Variants in BBS9 observed in about 807,000 individuals in gnomAD.
BBS9 encodes the protein Bardet-Biedl syndrome 9.
Under a neutral mutation model 117.7 loss-of-function variants are expected in BBS9, and 89 were observed. The ratio of observed to expected loss-of-function variants is 0.76; its 90% CI spans 0.64 to 0.90. BBS9 has a LOEUF of 0.90. Among genes scored for constraint, BBS9 ranks in the 40% least tolerant of loss-of-function variants. The probability of loss-of-function intolerance (pLI) is 0.00; values close to 1 mark genes in which losing one functional copy is unlikely to be tolerated. For synonymous variants in BBS9, 379 were observed against 370.9 expected (o/e 1.02, Z -0.25); for missense variants, 982 against 1,042.2 (o/e 0.94, Z 0.80).
chr7:33,411,192 A>T (rs759813263), intron 19 of BBS9, among the ~76,000 whole-genome samples: 24 of 152,170 alleles, frequency 1.6e-4, no homozygotes, highest in Admixed American at 9.8e-4. Context: ...TCAGTTGCAG[A>T]TGCCAAATCT....
At chr7:33,301,075 C>T (rs1009538454) in intron 9 of BBS9, among the ~76,000 whole-genome samples, 1 of 151,868 alleles carries the variant, frequency 6.6e-6, no homozygotes, top group East Asian at 1.9e-4. Flanking sequence ...GTACCTGTCC[C>T]TTTCTGGCTA....
At chr7:33,537,524 T>C (rs1156464589) in intron 21 of BBS9, among the ~76,000 whole-genome samples, 1 of 152,232 alleles carries the variant, frequency 6.6e-6, no homozygotes, top group Non-Finnish European at 1.5e-5. Flanking sequence ...TGCTGGTGAA[T>C]ATAGCTTGTA....
intron 1 of BBS9, among the ~76,000 whole-genome samples, chr7:33,145,496 T>C (rs1316765845): frequency 2.0e-5 from 3 of 152,220 alleles, no homozygotes. Context: ...TTTTCCTGCT[T>C]CTTTTTTGGT....
chr7:33,421,578 C>A (rs1832866303), intron 19 of BBS9, among the ~76,000 whole-genome samples: 1 of 152,110 alleles, frequency 6.6e-6, no homozygotes. Flanking sequence ...AGGGAATGTT[C>A]CAGCAGAGTG....
chr7:33,624,339 CA>C (rs1248063406), intron 21 of BBS9, among the ~76,000 whole-genome samples: 6 of 152,164 alleles, frequency 3.9e-5, no homozygotes, highest in Admixed American at 3.9e-4. Context: ...CCTCCACCCT[CA>C]ACCCTTGAAT....
chr7:33,531,628 G>T (rs1850591669), intron 20 of BBS9, among the ~76,000 whole-genome samples: 1 of 152,188 alleles, frequency 6.6e-6, no homozygotes. Context: ...TTATTCTGGA[G>T]GAGAGGGTAC....
intron 19 of BBS9, among the ~76,000 whole-genome samples, chr7:33,488,960 G>C (rs1371586135): frequency 6.7e-6 from 1 of 150,278 alleles, no homozygotes; most frequent in Non-Finnish European, 1.5e-5. Flanking sequence ...GTTTGTCTGA[G>C]ACACCAGATA....
At chr7:33,153,894 A>T (rs965792135) in intron 3 of BBS9, among the ~76,000 whole-genome samples, 4 of 152,218 alleles carry the variant, frequency 2.6e-5, no homozygotes, top group African/African-American at 9.6e-5. Flanking sequence ...AGGACATATT[A>T]GGTGTGATGG....
chr7:33,321,306 A>G (rs1000021161), intron 9 of BBS9, among the ~76,000 whole-genome samples: 6 of 151,972 alleles, frequency 3.9e-5, no homozygotes, highest in Admixed American at 3.3e-4. Flanking sequence ...GATTGAGTGT[A>G]TAGATTGCTT....
At chr7:33,256,490 CT>C (rs1001315348) in intron 5 of BBS9, among the ~76,000 whole-genome samples, 12 of 148,568 alleles carry the variant, frequency 8.1e-5, no homozygotes, top group African/African-American at 2.7e-4. Context: ...CTCTTTTTTT[CT>C]TTTTTTTTAG....
chr7:33,379,039 C>T (rs566882795), intron 17 of BBS9, among the ~76,000 whole-genome samples: 1 of 152,320 alleles, frequency 6.6e-6, no homozygotes, highest in African/African-American at 2.4e-5. Flanking sequence ...GCAATACCTA[C>T]ATGGGTGATT....
intron 21 of BBS9, among the ~76,000 whole-genome samples, chr7:33,547,717 T>A (rs941282590): frequency 6.6e-6 from 1 of 152,232 alleles, no homozygotes; most frequent in African/African-American, 2.4e-5. Flanking sequence ...ATCGTGCAGC[T>A]GTTTATTTTT....
chr7:33,541,162 T>G (rs1410144434), intron 21 of BBS9, among the ~76,000 whole-genome samples: 1 of 152,042 alleles, frequency 6.6e-6, no homozygotes, highest in Non-Finnish European at 1.5e-5. Flanking sequence ...TCCACATGTC[T>G]CCACCAATAC....
At chr7:33,239,039 G>A (rs1562857664) in intron 5 of BBS9, among the ~76,000 whole-genome samples, 3 of 151,984 alleles carry the variant, frequency 2.0e-5, no homozygotes, top group Non-Finnish European at 4.4e-5. Context: ...AGCTTTTGAC[G>A]CATACTTTAA....
At chr7:33,274,011 C>G (rs999364253) in intron 9 of BBS9, 55 bp downstream of exon 9, 31 of 1,575,034 alleles carry the variant, frequency 2.0e-5, no homozygotes, top group Non-Finnish European at 2.5e-5. Flanking sequence ...AAGAAATTTT[C>G]TAGAAGTTCT....
At chr7:33,468,088 T>C (rs1490965955) in intron 19 of BBS9, among the ~76,000 whole-genome samples, 1 of 152,108 alleles carries the variant, frequency 6.6e-6, no homozygotes, top group African/African-American at 2.4e-5. Flanking sequence ...CTGGAAGATA[T>C]ATATGTTCTT....
At chr7:33,188,112 G>GTGTGTGTGTGTGTGT (rs373410318) in intron 5 of BBS9, among the ~76,000 whole-genome samples, 5 of 120,326 alleles carry the variant, frequency 4.2e-5, no homozygotes, top group African/African-American at 6.1e-5. Flanking sequence ...GTGTGTGTGT[G>GTGTGTGTGTGTGTGT]GCGGGTGGGG....
rs977664117 is a variant in BBS9 at position 33,572,022 on chromosome 7, A to T, written c.2522-32843A>T. ...TAGTCTTTTTATTGTGCTTCTGAAC[A>T]TTAGACCTTATTCCCTGTATCTAGT... On this transcript the variant is annotated intron_variant, in intron 21 of 22. Coordinates refer to ENST00000242067, the MANE Select transcript of BBS9 (RefSeq NM_198428.3). Among the ~76,000 whole-genome samples the T allele has an allele frequency of 5.3e-5, 8 of 152,122 alleles. No homozygotes were observed. In the South Asian group the frequency reaches 8.3e-4, roughly 16 times the overall value.
intron 11 of BBS9, 113 bp from the exon 12 acceptor site, chr7:33,344,468 T>A: frequency 9.9e-7 from 1 of 1,013,502 alleles, no homozygotes; most frequent in Non-Finnish European, 1.6e-6. Context: ...TAATAAATCT[T>A]TTATAGTTTC....
Sources: allele counts gnomAD v4.1 joint callset (sites outside exome capture counted in the v4.1 genomes callset), GRCh38; gene constraint gnomAD v4.1.1; transcripts MANE v1.5; gene names NCBI Gene and HGNC (gene_info 2026-07-23, HGNC 2026-07-21).